NELL1: variants seen among roughly 807,000 people sequenced by gnomAD.
NELL1 encodes protein kinase C-binding protein NELL1.
In NELL1, 76 loss-of-function variants were observed where a neutral mutation model predicts 107.4. The ratio of observed to expected loss-of-function variants is 0.71; its 90% confidence interval spans 0.59 to 0.86. NELL1 has a LOEUF of 0.86. Ranked by LOEUF, NELL1 falls within the 40% of genes least tolerant of loss-of-function variation. The pLI is 0.00. For missense variants in NELL1, 1,024 were observed against 1,005.5 expected (o/e 1.02, Z -0.25); for synonymous variants, 353 against 341.2 (o/e 1.03, Z -0.38).
chr11:20,730,852 T>C (rs1297547358), intron 2 of NELL1, among the ~76,000 whole-genome samples: 6 of 152,188 alleles, frequency 3.9e-5, no homozygotes, highest in Non-Finnish European at 8.8e-5. Context: ...GTATAGTTTA[T>C]ACCCAAGGAA....
chr11:21,548,172 T>A (rs1364899397), intron 16 of NELL1, among the ~76,000 whole-genome samples: 1 of 151,860 alleles, frequency 6.6e-6, no homozygotes, highest in Non-Finnish European at 1.5e-5. Context: ...AGTGAATAAG[T>A]GGCATTATGG....
chr11:21,185,619 TG>T (rs1856920047), intron 13 of NELL1, among the ~76,000 whole-genome samples: 1 of 151,702 alleles, frequency 6.6e-6, no homozygotes, highest in Non-Finnish European at 1.5e-5. Flanking sequence ...CTACTTACCA[TG>T]GGCAAGCTAG....
intron 16 of NELL1, among the ~76,000 whole-genome samples, chr11:21,544,050 T>A (rs1856366610): frequency 6.6e-6 from 1 of 151,958 alleles, no homozygotes; most frequent in African/African-American, 2.4e-5. Flanking sequence ...ATGGCAACTA[T>A]GACTAGTCAT....
chr11:21,013,131 A>G (rs1852484300), intron 12 of NELL1, among the ~76,000 whole-genome samples: 1 of 152,206 alleles, frequency 6.6e-6, no homozygotes, highest in Non-Finnish European at 1.5e-5. Context: ...AACAAAGGGC[A>G]GCTTGGAGGT....
At chr11:21,289,794 G>C (rs1849208903) in intron 14 of NELL1, among the ~76,000 whole-genome samples, 1 of 152,306 alleles carries the variant, frequency 6.6e-6, no homozygotes, top group South Asian at 2.1e-4. Context: ...TGGAATGCTT[G>C]AGCTTGGTGG....
At chr11:20,895,163 T>G (rs1849700714) in intron 5 of NELL1, among the ~76,000 whole-genome samples, 2 of 139,728 alleles carry the variant, frequency 1.4e-5, no homozygotes, top group Admixed American at 1.4e-4. Context: ...TCCCAGCTAC[T>G]TGGGAGGCTG....
At chr11:20,925,069 G>T (rs879858875) in intron 7 of NELL1, among the ~76,000 whole-genome samples, 1 of 152,064 alleles carries the variant, frequency 6.6e-6, no homozygotes, top group Non-Finnish European at 1.5e-5. Context: ...ATGTGCATAC[G>T]TTATATGCAA....
chr11:21,201,111 C>T (rs1396949664), intron 13 of NELL1, among the ~76,000 whole-genome samples: 6 of 152,048 alleles, frequency 3.9e-5, no homozygotes, highest in African/African-American at 9.7e-5. Context: ...CTTGTCCATG[C>T]GGGCTGTTTT....
chr11:20,856,905 G>T (rs779113982), intron 4 of NELL1, among the ~76,000 whole-genome samples: 3 of 152,176 alleles, frequency 2.0e-5, no homozygotes, highest in Non-Finnish European at 2.9e-5. Context: ...ATAGATGGGA[G>T]GTTTTGAGAT....
At chr11:20,796,849 A>T (rs541488303) in intron 3 of NELL1, among the ~76,000 whole-genome samples, 7 of 152,308 alleles carry the variant, frequency 4.6e-5, no homozygotes, top group Non-Finnish European at 8.8e-5. Flanking sequence ...GACCAAAAGG[A>T]GTCAGAAATT....
intron 15 of NELL1, among the ~76,000 whole-genome samples, chr11:21,439,837 G>A (rs1383621641): frequency 2.6e-5 from 4 of 151,422 alleles, no homozygotes; most frequent in Non-Finnish European, 5.9e-5. Context: ...CTCATTGATG[G>A]CCATTTCTAG....
chr11:21,543,880 C>A (rs1009819590), intron 16 of NELL1, among the ~76,000 whole-genome samples: 6 of 151,998 alleles, frequency 3.9e-5, no homozygotes, highest in Non-Finnish European at 5.9e-5. Context: ...GCTGACAGAG[C>A]AAGCCTATAA....
intron 14 of NELL1, among the ~76,000 whole-genome samples, chr11:21,308,162 A>G (rs1849649407): frequency 6.6e-6 from 1 of 152,078 alleles, no homozygotes; most frequent in South Asian, 2.1e-4. Flanking sequence ...GTAATAGGAA[A>G]TACCTCGTGG....
chr11:20,842,039 C>T (rs936766817), intron 3 of NELL1, among the ~76,000 whole-genome samples: 59 of 152,236 alleles, frequency 3.9e-4, no homozygotes, highest in African/African-American at 1.4e-3. Flanking sequence ...GGCTTAATCT[C>T]TTTATTAGCC....
intron 12 of NELL1, among the ~76,000 whole-genome samples, chr11:21,069,855 T>A (rs1853968112): frequency 6.6e-6 from 1 of 152,160 alleles, no homozygotes; most frequent in Non-Finnish European, 1.5e-5. Context: ...GTGATCCTGT[T>A]TGGGAAAGCC....
At chr11:21,304,080 G>A (rs889959907) in intron 14 of NELL1, among the ~76,000 whole-genome samples, 6 of 151,916 alleles carry the variant, frequency 3.9e-5, no homozygotes, top group African/African-American at 9.7e-5. Context: ...CATGAATTTC[G>A]GGGAAACCAT....
chr11:20,853,480 T>A (rs1259183415), intron 4 of NELL1, among the ~76,000 whole-genome samples: 1 of 152,194 alleles, frequency 6.6e-6, no homozygotes, highest in Admixed American at 6.5e-5. Context: ...TGCGCTTGCA[T>A]CTGTAAAATG....
intron 12 of NELL1, among the ~76,000 whole-genome samples, chr11:20,987,779 G>C (rs1284060600): frequency 2.0e-5 from 3 of 152,004 alleles, no homozygotes; most frequent in Non-Finnish European, 4.4e-5. Flanking sequence ...GTATAATGAG[G>C]ATAACAATAG....
chr11:20,815,157 C>T (rs900306511), intron 3 of NELL1, among the ~76,000 whole-genome samples: 9 of 152,042 alleles, frequency 5.9e-5, no homozygotes, highest in East Asian at 1.9e-4. Flanking sequence ...CTCCACCTCC[C>T]GGGTTCAAGT....
Sources: allele counts gnomAD v4.1 joint callset (sites outside exome capture counted in the v4.1 genomes callset), GRCh38; gene constraint gnomAD v4.1.1; transcripts MANE v1.5; gene names NCBI Gene and HGNC (gene_info 2026-07-23, HGNC 2026-07-21).